Variants in ZNF695 observed in about 807,000 individuals in gnomAD.
ZNF695 encodes zinc finger protein SBZF3.
ZNF695 carries 11 observed loss-of-function variants against 11.2 expected under a neutral mutation model. The observed-to-expected ratio is 0.98, with a 90% CI of 0.62 to 1.62. The LOEUF is 1.62. Among genes scored for constraint, ZNF695 ranks in the 40% most tolerant of loss-of-function variants. The pLI, the probability that ZNF695 is intolerant of heterozygous loss-of-function variation, is 0.00. For missense variants in ZNF695, 559 were observed against 590.5 expected, an observed-to-expected ratio of 0.95 and a Z score of 0.55; for synonymous variants, 190 against 201.4, an observed-to-expected ratio of 0.94 and a Z score of 0.48.
chr1:247,007,640 C>A (rs1474413608), intron 1 of ZNF695, among the ~76,000 whole-genome samples: 1 of 152,178 alleles, frequency 6.6e-6, no homozygotes, highest in Non-Finnish European at 1.5e-5. Context: ...GCTGCGGGCG[C>A]GGGGCTGCCC....
chr1:246,988,148 G>A lies in ZNF695; in HGVS notation c.367C>T (p.Arg123Cys), dbSNP rs377175672. 8.5e-5 allele frequency: 137 copies of A among 1,613,416 alleles called. 1 individual carries two copies. The East Asian group carries it at 9.1e-4, about 11-fold the overall frequency. Reference sequence around the variant, plus strand: ...ACAATTTCCCAGTCATTCCTTAAGCGTAATTTCTCAAGACAACATCTTTCA... The same window carrying A: ...ACAATTTCCCAGTCATTCCTTAAGCATAATTTCTCAAGACAACATCTTTCA... The part of the protein sequence containing the change: ...RYERCCLEKL[R>C]LRNDWEIVGE... The change falls in exon 4 of 4, where the codon CGC becomes TGC. Residue 123 changes from arginine (R) to cysteine (C), a missense_variant. Physicochemically the swap from Arg to Cys is radical, Grantham distance 180 (BLOSUM62 -3). Coordinates refer to ENST00000339986, the MANE Select transcript of ZNF695 (RefSeq NM_020394.5).
chr1:246,971,591 T>C (rs1668427319), intron 4 of ZNF695, among the ~76,000 whole-genome samples: 1 of 152,200 alleles, frequency 6.6e-6, no homozygotes, highest in South Asian at 2.1e-4. Flanking sequence ...GCTCACACTC[T>C]TGCCTTCTGG....
chr1:246,947,859 CTAATA>C lies in ZNF695; in HGVS notation c.489-2037_489-2033del, dbSNP rs371392335. Among the ~76,000 whole-genome samples the C allele has an allele frequency of 2.3e-3, 344 of 152,202 alleles. 1 individual carries two copies. Among genetic ancestry groups the C allele is most frequent in the African/African-American group, 7.9e-3 (327 of 41,530 alleles). On this transcript the variant is annotated intron_variant, in intron 5 of 5. Transcript: ENST00000487338. The stretch of plus-strand genomic sequence containing the variant: ...GAACATTTAAGTAGCTATTGTTTTT[CTAATA>C]TAATATACATGCTGCAAAATTATTG...
At chr1:246,963,352 G>C (rs906420664) in intron 5 of ZNF695, among the ~76,000 whole-genome samples, 7 of 152,208 alleles carry the variant, frequency 4.6e-5, no homozygotes, top group African/African-American at 1.7e-4. Flanking sequence ...TTGGGAGGCT[G>C]AGGCAGGAGG....
intron 3 of ZNF695, among the ~76,000 whole-genome samples, chr1:246,990,387 A>T (rs1668996335): frequency 6.6e-6 from 1 of 152,172 alleles, no homozygotes; most frequent in South Asian, 2.1e-4. Context: ...TCATTAAATA[A>T]TGATAGAAGA....
Position 246,986,795 on chromosome 1 carries a change from T to C in ZNF695, c.*172A>G. ...AGTGGAGGTGTTGAACCGGTCTATT[T>C]GTATTGTTCGTAGCCTAAACATTTT... On this transcript the variant is annotated 3_prime_UTR_variant, in exon 4 of 4. Coordinates refer to ENST00000339986, the MANE Select transcript of ZNF695 (RefSeq NM_020394.5). 4 of 1,380,808 alleles carry C rather than the reference T, an allele frequency of 2.9e-6. No individual in the cohort carries two copies. Among genetic ancestry groups the C allele is most frequent in the Non-Finnish European group, 2.8e-6 (3 of 1,073,126 alleles). 85.5% of individuals were successfully genotyped at this position (1,380,808 alleles called of 1,614,324 possible).
At chr1:246,967,825 C>CT (rs1668327507) in intron 4 of ZNF695, 1 of 311,986 alleles carries the variant, frequency 3.2e-6, no homozygotes, top group Non-Finnish European at 6.4e-6. Context: ...GGGGGAAATG[C>CT]TATACACTTT....
chr1:246,966,570 T>G (rs1256047751), intron 5 of ZNF695, among the ~76,000 whole-genome samples: 2 of 152,000 alleles, frequency 1.3e-5, no homozygotes, highest in Non-Finnish European at 2.9e-5. Context: ...GGATCACTTG[T>G]GTCCAGGAGT....
At chr1:246,970,727 C>T (rs1030713838) in intron 4 of ZNF695, among the ~76,000 whole-genome samples, 2 of 152,182 alleles carry the variant, frequency 1.3e-5, no homozygotes, top group Non-Finnish European at 1.5e-5. Flanking sequence ...GGAGTAAAGA[C>T]CCTTAGTAGA....
intron 4 of ZNF695, among the ~76,000 whole-genome samples, chr1:246,975,417 A>G (rs1426228316): frequency 1.3e-5 from 2 of 152,248 alleles, no homozygotes; most frequent in African/African-American, 4.8e-5. Context: ...CAATCTATAT[A>G]AATCCATTTT....
intron 5 of ZNF695, among the ~76,000 whole-genome samples, chr1:246,962,716 G>A (rs1256504418): frequency 1.3e-5 from 2 of 148,348 alleles, no homozygotes; most frequent in South Asian, 2.1e-4. Context: ...TTTTTGAGAC[G>A]GAGTCTCGCT....
intron 5 of ZNF695, among the ~76,000 whole-genome samples, chr1:246,967,139 T>C (rs887165931): frequency 9.9e-5 from 15 of 152,122 alleles, no homozygotes; most frequent in African/African-American, 3.6e-4. Flanking sequence ...GGTTTCTCCA[T>C]GTTGGTCAGG....
At chr1:247,000,356 T>G (rs1242920322) in intron 1 of ZNF695, among the ~76,000 whole-genome samples, 1 of 151,958 alleles carries the variant, frequency 6.6e-6, no homozygotes, top group African/African-American at 2.4e-5. Context: ...ACCACAAAAA[T>G]TAGCCGGGCG....
intron 4 of ZNF695, chr1:246,969,222 C>A (rs1416385503): frequency 6.6e-6 from 1 of 152,240 alleles, no homozygotes; most frequent in Non-Finnish European, 1.5e-5. Flanking sequence ...TTAGAAGGAG[C>A]CAGGCCATAT....
intron 3 of ZNF695, 36 bp downstream of exon 3, chr1:246,999,312 C>A (rs551820322): frequency 5.4e-5 from 75 of 1,396,072 alleles, no homozygotes; most frequent in African/African-American, 3.3e-4. Flanking sequence ...GATCCTTCAA[C>A]CCCTACCTGT....
intron 4 of ZNF695, among the ~76,000 whole-genome samples, chr1:246,978,771 C>T (rs1292928561): frequency 3.3e-5 from 5 of 152,114 alleles, no homozygotes; most frequent in African/African-American, 4.8e-5. Context: ...GTTGCTGGGC[C>T]TCTCCTTCAT....
Position 246,987,144 on chromosome 1 carries a change from A to G in ZNF695, c.1371T>C (p.Ile457=), listed in dbSNP as rs747881646. The G allele has an allele frequency of 3.5e-5, 57 of 1,614,062 alleles. 1 individual carries two copies. The South Asian group carries it at 5.8e-4, about 16-fold the overall frequency. Residue 457 remains isoleucine, a synonymous_variant, in exon 4 of 4, where the codon ATT becomes ATC. Transcript: ENST00000339986. ...WFSYLTNHKR[I]HTGEKPYKCE... is the part of the protein sequence containing the mutation. ...ATTTGTAGGGTTTCTCTCCAGTATG[A>G]ATTCTCTTATGATTAGTAAGATATG...
Position 246,987,721 on chromosome 1 carries a change from T to C in ZNF695, c.794A>G (p.Lys265Arg). Reference sequence around the variant, plus strand: ...ACATTCTTCACATCTGTAGGTTTTCTTTTCAGTATGATTTTTCTCAACAAC... The same window carrying C: ...ACATTCTTCACATCTGTAGGTTTTCCTTTCAGTATGATTTTTCTCAACAAC... ...LAVVEKNHTE[K>R]KTYRCEECGK... Residue 265 changes from lysine (K) to arginine (R), a missense_variant, in exon 4 of 4, where the codon AAG becomes AGG. Lys to Arg is a conservative substitution (Grantham distance 26). Transcript: ENST00000339986. The C allele has an allele frequency of 6.3e-7, 1 of 1,592,016 alleles. No individual in the cohort carries two copies. Among genetic ancestry groups the C allele is most frequent in the Non-Finnish European group, 8.5e-7 (1 of 1,171,782 alleles).
chr1:246,974,161 C>A (rs56070785), intron 4 of ZNF695, among the ~76,000 whole-genome samples: 29,434 of 142,232 alleles, frequency 0.21, 3,094 homozygotes, highest in African/African-American at 0.28. Context: ...AACAAACAAA[C>A]AAAAAAAAAC....
Sources: gnomAD v4.1 joint callset for allele counts (sites outside exome capture counted in the v4.1 genomes callset) on GRCh38, gnomAD v4.1.1 for gene constraint, MANE v1.5 for transcripts, NCBI Gene and HGNC (gene_info 2026-07-23, HGNC 2026-07-21) for gene names.